PPP1R12C: variants seen among roughly 807,000 people sequenced by gnomAD.
PPP1R12C encodes the protein protein phosphatase 1 regulatory subunit 12C.
PPP1R12C carries 48 observed loss-of-function variants against 95.6 expected under a neutral mutation model. That is an observed-to-expected ratio of 0.50 (90% CI 0.40 to 0.64). The LOEUF is 0.64. Ranked by LOEUF, PPP1R12C falls within the 30% of genes least tolerant of loss-of-function variation. The pLI, the probability that PPP1R12C is intolerant of heterozygous loss-of-function variation, is 0.00. For missense variants in PPP1R12C, 1,057 were observed against 1,083.3 expected (o/e 0.98, Z 0.34); for synonymous variants, 480 against 460.8 (o/e 1.04, Z -0.53).
At position 55,107,319 on chromosome 19, in the gene PPP1R12C, C is replaced by A. The variant is rs1038996064; in HGVS notation, c.572-3751G>T. 4.2e-4 allele frequency among the ~76,000 whole-genome samples: 64 copies of A among 152,064 alleles called. 1 individual carries two copies. On this transcript the variant is annotated intron_variant, in intron 3 of 21. Transcript: ENST00000263433. ...ATCCCACTTACTTGGAAGGCTGAGG[C>A]AGGAGACTTGCTTGAACCCGGGAGG...
At position 55,092,850 on chromosome 19, in the gene PPP1R12C, T is replaced by G. The variant is rs2084862706; in HGVS notation, c.1844A>C (p.Gln615Pro). Residue 615 changes from glutamine to proline, a missense_variant, in exon 16 of 22, where the codon CAG (glutamine) becomes CCG (proline). Gln to Pro is a moderately conservative substitution (Grantham distance 76, BLOSUM62 -1). Transcript: ENST00000263433. ...PAQRAEAPDG[Q>P]GPGPQAAREH... Reference sequence around the variant, plus strand: ...CCTGGCCGCCTGCGGTCCCGGACCCTGCCCGTCGGGCGCCTCTGCTGGGGG... The same window carrying G: ...CCTGGCCGCCTGCGGTCCCGGACCCGGCCCGTCGGGCGCCTCTGCTGGGGG... The G allele has an allele frequency of 6.3e-7, 1 of 1,577,848 alleles. No individual in the cohort carries two copies. Among genetic ancestry groups the G allele is most frequent in the Admixed American group, 1.9e-5 (1 of 53,782 alleles).
rs374570333 is a variant in PPP1R12C at position 55,099,032 on chromosome 19, G to A, written c.795C>T (p.His265=). Residue 265 remains histidine (H), a synonymous_variant, in exon 5 of 22, where the codon CAC becomes CAT. Transcript: ENST00000263433. ...LRDGDGWTPL[H]AAAHWGVEDA... is the part of the protein sequence containing the mutation. ...CCTCCACGCCCCAGTGTGCCGCTGC[G>A]TGCAGGGGAGTCCAGCCGTCCCCGT... is the stretch of plus-strand genomic sequence containing the variant. The A allele has an allele frequency of 1.0e-4, 156 of 1,554,546 alleles. No homozygotes were observed. The highest frequency in any genetic ancestry group is 1.2e-4 in the Non-Finnish European group (138 of 1,149,244).
rs2084909562 is a variant in PPP1R12C, at chr19:55,096,127, C to A, written c.1077G>T (p.Leu359Phe). The A allele has an allele frequency of 1.9e-6, 3 of 1,598,772 alleles. No homozygotes were observed. The African/African-American group carries it at 4.0e-5, about 22-fold the overall frequency. The change falls in exon 8 of 22, where the codon TTG becomes TTT. Residue 359 changes from leucine to phenylalanine, a missense_variant. Physicochemically the swap from Leu to Phe is conservative, Grantham distance 22. This residue lies in a region of PPP1R12C where 356 missense variants were observed against 330.5 expected (regional missense o/e 1.08). Coordinates refer to ENST00000263433, the MANE Select transcript of PPP1R12C (RefSeq NM_017607.4). Reference sequence around the variant, plus strand: ...CCCCACCAGGCCGGCGCTCCTTGGACAAGTCCTGGAGGGAAATCTTCTCGC... The same window carrying A: ...CCCCACCAGGCCGGCGCTCCTTGGAAAAGTCCTGGAGGGAAATCTTCTCGC... The part of the protein sequence containing the change: ...SSREKISLQD[L>F]SKERRPGGAG...
At position 55,092,210 on chromosome 19, in the gene PPP1R12C, C is replaced by G. The variant is rs116012849; in HGVS notation, c.2160+12G>C. ...CTGCCAGTTCCCGTGACCCTGGCCT[C>G]GGCGCCCTTACCTGCGTGGCCCGCT... On this transcript the variant is annotated intron_variant, in intron 19 of 21. Coordinates refer to ENST00000263433, the MANE Select transcript of PPP1R12C (RefSeq NM_017607.4). 5,403 of 1,552,604 alleles carry G rather than the reference C, an allele frequency of 3.5e-3. 170 individuals carry two copies. The African/African-American group carries it at 0.065, about 19-fold the overall frequency.
intron 6 of PPP1R12C, among the ~76,000 whole-genome samples, chr19:55,097,369 T>TCAC (rs760980183): frequency 8.8e-5 from 6 of 68,076 alleles, no homozygotes; most frequent in Non-Finnish European, 1.2e-4. Context: ...TCCCCGCAGT[T>TCAC]CACCGTCTTC....
chr19:55,112,117 A>C, intron 3 of PPP1R12C: 2 of 193,150 alleles, frequency 1.0e-5, no homozygotes, highest in Non-Finnish European at 2.1e-5. Context: ...ATCCCCTCCC[A>C]GAAAGACCTG....
Position 55,100,834 on chromosome 19 carries a change from G to C in PPP1R12C, c.732-1739C>G, listed in dbSNP as rs555918477. ...TCACTGTGTTAGCCAGGCTGGTCTT[G>C]AACTCCTGACCTCATGATCCGCCTG... On this transcript the variant is annotated intron_variant, in intron 4 of 21. Transcript: ENST00000263433. Among the ~76,000 whole-genome samples, 36 of 152,078 alleles carry C rather than the reference G, an allele frequency of 2.4e-4. No individual in the cohort carries two copies. The East Asian group carries it at 6.7e-3, about 28-fold the overall frequency.
In PPP1R12C at chr19:55,095,908, C is replaced by T. The variant is rs1421216480; in HGVS notation, c.1186G>A (p.Gly396Ser). ...CTGGGGTGCGGCGGGGAGGAGACGC[C>T]ATTGAGGGTTCTGGGTTCTGCAGGG... ...PPPAEPRTLN[G>S]VSSPPHPSPK... The change falls in exon 9 of 22, where the codon GGC becomes AGC. Residue 396 changes from glycine to serine, a missense_variant. Gly to Ser is a moderately conservative substitution (Grantham distance 56). Coordinates refer to ENST00000263433, the MANE Select transcript of PPP1R12C (RefSeq NM_017607.4). The T allele has an allele frequency of 6.2e-7, 1 of 1,613,294 alleles. No homozygotes were observed. Among genetic ancestry groups the T allele is most frequent in the Non-Finnish European group, 8.5e-7 (1 of 1,179,946 alleles).
chr19:55,117,589 C>T lies in PPP1R12C; in HGVS notation c.-46G>A, dbSNP rs1261243398. 5 of 975,782 alleles carry T rather than the reference C, an allele frequency of 5.1e-6. No homozygotes were observed. The Admixed American group carries it at 2.5e-4, about 48-fold the overall frequency. The allele number at this position is 975,782 out of a possible 1,614,324, so 60.4% of individuals were successfully genotyped here. On this transcript the variant is annotated 5_prime_UTR_variant, in exon 1 of 22. Coordinates refer to ENST00000263433, the MANE Select transcript of PPP1R12C (RefSeq NM_017607.4). ...CGAGCGAGCGAGCGCCGAGCCCCAA[C>T]CGCCGCCACCACCCGCCCGCCCGCC...
At chr19:55,099,313 T>G (rs7251119) in intron 4 of PPP1R12C, among the ~76,000 whole-genome samples, 2,321 of 152,344 alleles carry the variant, frequency 0.015, 66 homozygotes, top group African/African-American at 0.052. Flanking sequence ...TGTTAAACCC[T>G]GACCCTGCAG....
Position 55,095,628 on chromosome 19 carries a change from TAG to T in PPP1R12C, c.1228-27_1228-26del, listed in dbSNP as rs1166361907. On this transcript the variant is annotated intron_variant, in intron 9 of 21. Transcript: ENST00000263433. Reference sequence around the variant, plus strand: ...GCTGGGAGAAGGAGGAGGTCTCAGTTAGAGAGAAAGGATCCCTCTTCTCAGAC... The same window carrying T: ...GCTGGGAGAAGGAGGAGGTCTCAGTTAGAGAAAGGATCCCTCTTCTCAGAC... 3.3e-6 allele frequency: 5 copies of T among 1,533,654 alleles called. No individual in the cohort carries two copies. In the African/African-American group the frequency reaches 6.9e-5, roughly 21 times the overall value.
In PPP1R12C at chr19:55,096,246, T is replaced by C; in HGVS notation, c.1025+16A>G. Reference sequence around the variant, plus strand: ...TCCAGCCACCCCGCCAGCCCTGGACTCCTCCCTCCCTATACCTTCTGTGTT... The same window carrying C: ...TCCAGCCACCCCGCCAGCCCTGGACCCCTCCCTCCCTATACCTTCTGTGTT... On this transcript the variant is annotated intron_variant, in intron 7 of 21. Transcript: ENST00000263433. The C allele has an allele frequency of 6.2e-7, 1 of 1,613,862 alleles. No homozygotes were observed. Among genetic ancestry groups the C allele is most frequent in the Non-Finnish European group, 8.5e-7 (1 of 1,179,910 alleles).
chr19:55,110,904 G>C (rs2085088300), intron 3 of PPP1R12C, among the ~76,000 whole-genome samples: 1 of 151,582 alleles, frequency 6.6e-6, no homozygotes, highest in Non-Finnish European at 1.5e-5. Context: ...TGGAAAGGCA[G>C]GGGTGGGGTG....
Position 55,091,467 on chromosome 19 carries a change from C to T in PPP1R12C, c.*5G>A. 1 of 1,613,228 alleles carries T rather than the reference C, an allele frequency of 6.2e-7. No individual in the cohort carries two copies. The highest frequency in any genetic ancestry group is 8.5e-7 in the Non-Finnish European group (1 of 1,179,290). On this transcript the variant is annotated 3_prime_UTR_variant, in exon 22 of 22. Coordinates refer to ENST00000263433, the MANE Select transcript of PPP1R12C (RefSeq NM_017607.4). The stretch of plus-strand genomic sequence containing the variant: ...TAAATACGGGTGCGGGAAAGTCCCT[C>T]CGGGTCACTTGGAGAGTTTGCTGAT...
intron 11 of PPP1R12C, 83 bp downstream of exon 11, chr19:55,095,208 T>C: frequency 1.4e-6 from 2 of 1,415,752 alleles, no homozygotes; most frequent in South Asian, 1.2e-5. Context: ...AGGGGGTACA[T>C]GGTCTCACTC....
intron 1 of PPP1R12C, among the ~76,000 whole-genome samples, chr19:55,116,066 C>T (rs751857203): frequency 2.0e-5 from 3 of 152,094 alleles, no homozygotes; most frequent in South Asian, 2.1e-4. Context: ...CACAGGAGAA[C>T]GGGGTGTCCA....
chr19:55,092,430 G>T lies in PPP1R12C; in HGVS notation c.2055+12C>A, dbSNP rs374390202. The T allele has an allele frequency of 6.2e-6, 10 of 1,601,498 alleles. No individual in the cohort carries two copies. The African/African-American group carries it at 9.4e-5, about 15-fold the overall frequency. On this transcript the variant is annotated intron_variant, in intron 18 of 21. Transcript: ENST00000263433. ...CAGCAGGCAAAGCCCCGACGGAGGG[G>T]TGGGATCGCACCGTCCTAAAGCCTC...
At chr19:55,110,595 G>A (rs58675613) in intron 3 of PPP1R12C, among the ~76,000 whole-genome samples, 5,367 of 152,300 alleles carry the variant, frequency 0.035, 275 homozygotes, top group African/African-American at 0.12. Context: ...CACAGTCTCA[G>A]AATGGCCGGG....
At chr19:55,092,076 A>G (rs2084848957) in intron 19 of PPP1R12C, 146 bp downstream of exon 19, 1 of 1,088,096 alleles carries the variant, frequency 9.2e-7, no homozygotes, top group South Asian at 1.5e-5. Flanking sequence ...CCCCTCGCTC[A>G]GACTCCGCCT....
Sources: gnomAD v4.1 joint callset for allele counts (sites outside exome capture counted in the v4.1 genomes callset) on GRCh38, gnomAD v4.1.1 for gene constraint, gnomAD v4.1.1 regional missense constraint, MANE v1.5 for transcripts, NCBI Gene and HGNC (gene_info 2026-07-23, HGNC 2026-07-21) for gene names.